Variants in DNM3 observed in about 807,000 individuals in gnomAD.
DNM3 encodes dynamin-3.
In DNM3, 47 loss-of-function variants were observed where a neutral mutation model predicts 101.6. The ratio of observed to expected loss-of-function variants is 0.46; its 90% CI spans 0.37 to 0.59. The LOEUF (loss-of-function observed/expected upper bound fraction) is 0.59, where lower values mean the gene tolerates loss of function less well. Ranked by LOEUF, DNM3 falls within the 20% of genes least tolerant of loss-of-function variation. DNM3 has a pLI of 0.00. For missense variants in DNM3, 849 were observed against 1,085.7 expected (o/e 0.78, Z 3.06); for synonymous variants, 385 against 387.9 (o/e 0.99, Z 0.09).
chr1:172,268,093 T>C (rs1262557764), intron 15 of DNM3, among the ~76,000 whole-genome samples: 1 of 152,190 alleles, frequency 6.6e-6, no homozygotes, highest in Non-Finnish European at 1.5e-5. Flanking sequence ...TTTTCACTTC[T>C]TTTTTCTGCT....
intron 20 of DNM3, chr1:172,399,797 A>G (rs1259368164): frequency 1.3e-5 from 2 of 152,120 alleles, no homozygotes; most frequent in Non-Finnish European, 2.9e-5. Flanking sequence ...GAAGCCTATC[A>G]TGTGGTGCAC....
chr1:171,963,864 C>G (rs1022844894), intron 2 of DNM3, among the ~76,000 whole-genome samples: 1 of 151,800 alleles, frequency 6.6e-6, no homozygotes, highest in African/African-American at 2.4e-5. Flanking sequence ...TCCAAGCCCC[C>G]CATCCACCTG....
intron 15 of DNM3, among the ~76,000 whole-genome samples, chr1:172,274,994 C>A: frequency 6.6e-6 from 1 of 152,112 alleles, no homozygotes; most frequent in South Asian, 2.1e-4. Context: ...GTTCTGGGAC[C>A]TGAAGCAATG....
chr1:172,318,831 C>A (rs979916830), intron 16 of DNM3, among the ~76,000 whole-genome samples: 6 of 152,302 alleles, frequency 3.9e-5, no homozygotes, highest in African/African-American at 1.4e-4. Flanking sequence ...TTTATAGATT[C>A]AGTGCCATCC....
chr1:171,976,853 C>T (rs1315578973), intron 2 of DNM3, among the ~76,000 whole-genome samples: 21 of 152,098 alleles, frequency 1.4e-4, no homozygotes, highest in Admixed American at 1.2e-3. Context: ...TCTGATACAA[C>T]TACTACTTAA....
At chr1:171,858,784 A>G (rs1468577460) in intron 1 of DNM3, among the ~76,000 whole-genome samples, 1 of 152,152 alleles carries the variant, frequency 6.6e-6, no homozygotes, top group Non-Finnish European at 1.5e-5. Flanking sequence ...CTTCCCCATC[A>G]GTACACTGAA....
In DNM3 at chr1:172,026,923, G is replaced by T. The variant is rs147061994; in HGVS notation, c.590-5479G>T. Among the ~76,000 whole-genome samples, 700 of 152,222 alleles carry T rather than the reference G, an allele frequency of 4.6e-3. 4 individuals carry two copies. Among genetic ancestry groups the T allele is most frequent in the African/African-American group, 0.016 (680 of 41,528 alleles). The stretch of plus-strand genomic sequence containing the variant: ...CCACCTCAGCCTCCCAAAGTGCTGG[G>T]ATTACAGGTGTGATCAACATTCTTA... On this transcript the variant is annotated intron_variant, in intron 4 of 20. Coordinates refer to ENST00000627582, the MANE Select transcript of DNM3 (RefSeq NM_015569.5).
chr1:172,288,699 A>G (rs1430339480), intron 15 of DNM3, among the ~76,000 whole-genome samples: 1 of 152,182 alleles, frequency 6.6e-6, no homozygotes, highest in Non-Finnish European at 1.5e-5. Context: ...GTCGTGAATG[A>G]CACCTAGGCA....
intron 1 of DNM3, among the ~76,000 whole-genome samples, chr1:171,863,454 G>A (rs185844670): frequency 3.9e-5 from 6 of 152,226 alleles, no homozygotes; most frequent in African/African-American, 1.4e-4. Context: ...ACTATTTGAG[G>A]AAATGGGAAT....
intron 14 of DNM3, among the ~76,000 whole-genome samples, chr1:172,198,895 G>A (rs1365065155): frequency 1.3e-5 from 2 of 151,772 alleles, no homozygotes; most frequent in Non-Finnish European, 2.9e-5. Context: ...GGTCTTTTGT[G>A]TCTCAATTTC....
chr1:172,222,863 A>G (rs2060959860), intron 14 of DNM3, among the ~76,000 whole-genome samples: 1 of 152,130 alleles, frequency 6.6e-6, no homozygotes, highest in Admixed American at 6.6e-5. Flanking sequence ...ACTTGTACAC[A>G]AACAAAATCT....
At chr1:172,000,910 T>C (rs2125670853) in intron 4 of DNM3, among the ~76,000 whole-genome samples, 1 of 152,164 alleles carries the variant, frequency 6.6e-6, no homozygotes, top group Non-Finnish European at 1.5e-5. Flanking sequence ...TTCTGAAAGA[T>C]GGGAGATATT....
In DNM3 at chr1:172,124,546, C is replaced by T. The variant is rs186932947; in HGVS notation, c.1546-6629C>T. Among the ~76,000 whole-genome samples, 466 of 152,318 alleles carry T rather than the reference C, an allele frequency of 3.1e-3. 2 individuals are homozygous for T. The highest frequency in any genetic ancestry group is 0.01 in the African/African-American group (420 of 41,572). On this transcript the variant is annotated intron_variant, in intron 13 of 20. Transcript: ENST00000627582. ...TTACTGGTCTAAGAAGCCTAGGCTT[C>T]CTGAGGAGACATTCTCCCCTCTATC... is the stretch of plus-strand genomic sequence containing the variant.
intron 16 of DNM3, among the ~76,000 whole-genome samples, chr1:172,320,655 G>A (rs1380628863): frequency 6.6e-6 from 1 of 152,108 alleles, no homozygotes; most frequent in African/African-American, 2.4e-5. Flanking sequence ...CCTTCTCTTA[G>A]GAAACTATCA....
In DNM3 at chr1:171,845,792, G is replaced by T. The variant is rs185924098; in HGVS notation, c.161+3975G>T. On this transcript the variant is annotated intron_variant, in intron 1 of 20. Coordinates refer to ENST00000627582, the MANE Select transcript of DNM3 (RefSeq NM_015569.5). ...GAGTGCATATAACTCATTTATAGAG[G>T]TGTTAAGTGAAAACTGTACTAGTTG... 2.4e-3 allele frequency among the ~76,000 whole-genome samples: 362 copies of T among 152,230 alleles called. 3 individuals carry two copies. Among genetic ancestry groups the T allele is most frequent in the South Asian group, 7.5e-3 (36 of 4,828 alleles).
At chr1:172,111,468 A>G (rs1223139802) in intron 13 of DNM3, among the ~76,000 whole-genome samples, 2 of 152,214 alleles carry the variant, frequency 1.3e-5, no homozygotes, top group Non-Finnish European at 1.5e-5. Context: ...ATATACATTC[A>G]TCTCACTTAG....
chr1:172,293,711 G>A (rs1019827709), intron 15 of DNM3, among the ~76,000 whole-genome samples: 2 of 152,094 alleles, frequency 1.3e-5, no homozygotes, highest in Non-Finnish European at 2.9e-5. Context: ...TCGAAAATGG[G>A]TAAAAATGAA....
chr1:171,947,316 G>T (rs2042231140), intron 2 of DNM3, among the ~76,000 whole-genome samples: 1 of 152,100 alleles, frequency 6.6e-6, no homozygotes, highest in Non-Finnish European at 1.5e-5. Flanking sequence ...GTTTCAAAAT[G>T]GGTGTAATAG....
intron 14 of DNM3, among the ~76,000 whole-genome samples, chr1:172,225,134 C>CTTTTTTTTTTTT (rs1168334078): frequency 3.4e-4 from 22 of 65,526 alleles, no homozygotes; most frequent in Admixed American, 6.1e-4. Flanking sequence ...TCTTCTTCCT[C>CTTTTTTTTTTTT]TTTTTTTTTT....
Sources: allele counts gnomAD v4.1 joint callset (sites outside exome capture counted in the v4.1 genomes callset), GRCh38; gene constraint gnomAD v4.1.1; transcripts MANE v1.5; gene names NCBI Gene and HGNC (gene_info 2026-07-23, HGNC 2026-07-21).